SCAMP2: variants seen among roughly 807,000 people sequenced by gnomAD.
The protein encoded by SCAMP2 is secretory carrier-associated membrane protein 2.
In SCAMP2, 25 loss-of-function variants were observed where a neutral mutation model predicts 44.1. That is an observed-to-expected ratio of 0.57 (90% CI 0.41 to 0.79). The LOEUF is 0.79. SCAMP2 is among the 30% of genes least tolerant of loss of function. The pLI, the probability that SCAMP2 is intolerant of heterozygous loss-of-function variation, is 0.00. For synonymous variants in SCAMP2, 156 were observed against 166.0 expected (o/e 0.94, Z 0.46); for missense variants, 355 against 411.0 (o/e 0.86, Z 1.18).
At chr15:74,867,510 A>G (rs1032121095) in intron 1 of SCAMP2, among the ~76,000 whole-genome samples, 10 of 152,216 alleles carry the variant, frequency 6.6e-5, no homozygotes, top group African/African-American at 2.4e-4. Context: ...GAACCCTGCC[A>G]TTTTCAAATT....
Position 74,873,329 on chromosome 15 carries a change from G to C in SCAMP2, c.-74C>G, listed in dbSNP as rs1239174209. ...GCACCCAGACCCAGCGGCGCTTCGT[G>C]TAGACCCTCCACTTCCGGGAGCGAG... On this transcript the variant is annotated 5_prime_UTR_variant, in exon 1 of 9. Transcript: ENST00000268099. 7.5e-7 allele frequency: 1 copy of C among 1,325,900 alleles called. No individual in the cohort carries two copies. The highest frequency in any genetic ancestry group is 9.9e-7 in the Non-Finnish European group (1 of 1,006,212). The allele number at this position is 1,325,900 out of a possible 1,614,324, so 82.1% of individuals were successfully genotyped here.
At chr15:74,847,694 G>A (rs1253147686) in intron 7 of SCAMP2, among the ~76,000 whole-genome samples, 1 of 152,210 alleles carries the variant, frequency 6.6e-6, no homozygotes, top group Non-Finnish European at 1.5e-5. Flanking sequence ...GTGCCAGTCT[G>A]ACCTTTCTGC....
chr15:74,850,715 T>C, intron 5 of SCAMP2, 42 bp from the exon 6 acceptor site: 2 of 1,605,188 alleles, frequency 1.2e-6, no homozygotes, highest in South Asian at 1.1e-5. Flanking sequence ...TGTGCCACAG[T>C]GGCTGAGGGG....
intron 2 of SCAMP2, 74 bp from the exon 3 acceptor site, chr15:74,854,193 A>G (rs970405372): frequency 4.6e-6 from 6 of 1,312,154 alleles, no homozygotes; most frequent in African/African-American, 1.4e-5. Flanking sequence ...AACCCACAGC[A>G]GGATGAGTGA....
At chr15:74,854,534 C>T in intron 2 of SCAMP2, 47 bp downstream of exon 2, 1 of 1,505,320 alleles carries the variant, frequency 6.6e-7, no homozygotes, top group South Asian at 1.2e-5. Context: ...CACCCCAGCA[C>T]CACCCTAGAG....
chr15:74,862,159 A>G (rs1393638782), intron 1 of SCAMP2, among the ~76,000 whole-genome samples: 1 of 147,940 alleles, frequency 6.8e-6, no homozygotes. Context: ...GCTACTTTGG[A>G]GGCTGAGGCA....
Position 74,864,642 on chromosome 15 carries a change from G to A in SCAMP2, c.57+8557C>T, listed in dbSNP as rs925883131. ...GGACACAACTGTCAACATGGGTGAA[G>A]TGAGGACCAAATTGAGGGACAGCAG... On this transcript the variant is annotated intron_variant, in intron 1 of 8. Coordinates refer to ENST00000268099, the MANE Select transcript of SCAMP2 (RefSeq NM_005697.5). Among the ~76,000 whole-genome samples the A allele has an allele frequency of 3.3e-5, 5 of 152,318 alleles. No homozygotes were observed. The South Asian group carries it at 1.0e-3, about 32-fold the overall frequency.
intron 1 of SCAMP2, among the ~76,000 whole-genome samples, chr15:74,862,386 G>A (rs145261086): frequency 2.0e-5 from 3 of 151,186 alleles, no homozygotes; most frequent in South Asian, 4.2e-4. Flanking sequence ...AGACCACCCT[G>A]GCCAACATGG....
intron 7 of SCAMP2, among the ~76,000 whole-genome samples, chr15:74,847,649 T>C (rs1393078389): frequency 6.6e-6 from 1 of 152,168 alleles, no homozygotes; most frequent in Non-Finnish European, 1.5e-5. Flanking sequence ...GGGACCAAAA[T>C]AGCACCGCCC....
At chr15:74,848,815 A>G in intron 6 of SCAMP2, 114 bp from the exon 7 acceptor site, 1 of 701,920 alleles carries the variant, frequency 1.4e-6, no homozygotes, top group African/African-American at 1.8e-5. Context: ...TGGGCAAGAG[A>G]CAGAGCTCCA....
intron 6 of SCAMP2, 84 bp from the exon 7 acceptor site, chr15:74,848,785 C>T (rs2064415663): frequency 1.0e-6 from 1 of 987,572 alleles, no homozygotes; most frequent in African/African-American, 1.6e-5. Flanking sequence ...TCCCTCCTCA[C>T]TAGGAGCCAG....
intron 1 of SCAMP2, among the ~76,000 whole-genome samples, chr15:74,862,438 C>T (rs6495124): frequency 0.68 from 102,381 of 151,354 alleles, 34,808 homozygotes; most frequent in East Asian, 0.89. Context: ...TAGCAGGGCA[C>T]GGTGGTGCAT....
chr15:74,861,649 A>G (rs1257797871), intron 1 of SCAMP2, among the ~76,000 whole-genome samples: 3 of 152,206 alleles, frequency 2.0e-5, no homozygotes, highest in Admixed American at 2.0e-4. Context: ...CTATAATCGC[A>G]GCACTTTGGG....
rs1285920551 is a variant in SCAMP2 at position 74,844,052 on chromosome 15, G to GAGAGAT, written c.*1025_*1030dup. On this transcript the variant is annotated 3_prime_UTR_variant, in exon 9 of 9. Coordinates refer to ENST00000268099, the MANE Select transcript of SCAMP2 (RefSeq NM_005697.5). ...TCCACTGGGTATTAGGGGGCCCTCC[G>GAGAGAT]AGAGATGGCTTATCAGTCCCTGCTG... 2.6e-5 allele frequency: 4 copies of GAGAGAT among 152,374 alleles called. No homozygotes were observed. The highest frequency in any genetic ancestry group is 2.6e-4 in the Admixed American group (4 of 15,296). The allele number at this position is 152,374 out of a possible 1,614,324, so 9.4% of individuals were successfully genotyped here. A position where few individuals can be genotyped will look rare whatever the true frequency, so the allele number is the denominator to read the frequency against.
intron 2 of SCAMP2, 73 bp downstream of exon 2, chr15:74,854,508 G>T: frequency 7.8e-7 from 1 of 1,277,904 alleles, no homozygotes; most frequent in Non-Finnish European, 1.1e-6. Context: ...TCCTTGCCAA[G>T]GATCCCTGCC....
Position 74,845,499 on chromosome 15 carries a change from C to T in SCAMP2, c.829G>A (p.Val277Met), listed in dbSNP as rs1190295854. The T allele has an allele frequency of 5.0e-6, 8 of 1,614,120 alleles. No homozygotes were observed. Among genetic ancestry groups the T allele is most frequent in the South Asian group, 3.3e-5 (3 of 91,084 alleles). Residue 277 changes from valine (V) to methionine (M), a missense_variant, in exon 8 of 9, where the codon GTG (valine) becomes ATG (methionine). Physicochemically the swap from Val to Met is conservative, Grantham distance 21. Transcript: ENST00000268099. ...VVAGFFTLCA[V>M]LSVFLLQRVH... ...CGCTGCAGGAGGAAGACTGAGAGCA[C>T]GGCACAGAGGGTGAAGAAGCCAGCC...
intron 1 of SCAMP2, 100 bp from the exon 2 acceptor site, chr15:74,854,749 C>T: frequency 9.4e-7 from 1 of 1,067,064 alleles, no homozygotes; most frequent in Non-Finnish European, 1.4e-6. Flanking sequence ...GGCAGCTGAT[C>T]ACCCTCCCGG....
chr15:74,868,493 T>C (rs2064556640), intron 1 of SCAMP2, among the ~76,000 whole-genome samples: 1 of 152,230 alleles, frequency 6.6e-6, no homozygotes, highest in Non-Finnish European at 1.5e-5. Context: ...TGTCTTTTTG[T>C]AGGATTTCTC....
At position 74,844,086 on chromosome 15, in the gene SCAMP2, G is replaced by A. The variant is rs1320101952; in HGVS notation, c.*997C>T. Reference sequence around the variant, plus strand: ...CTTATCAGTCCCTGCTGAGGGATGCGGTTCTGGACTGGCTGGCCCTGCCCT... The same window carrying A: ...CTTATCAGTCCCTGCTGAGGGATGCAGTTCTGGACTGGCTGGCCCTGCCCT... On this transcript the variant is annotated 3_prime_UTR_variant, in exon 9 of 9. Transcript: ENST00000268099. The A allele has an allele frequency of 6.6e-6, 1 of 152,070 alleles. No individual in the cohort carries two copies. The highest frequency in any genetic ancestry group is 2.4e-5 in the African/African-American group (1 of 41,336). 9.4% of individuals were successfully genotyped at this position (152,070 alleles called of 1,614,324 possible).
Sources: gnomAD v4.1 joint callset for allele counts (sites outside exome capture counted in the v4.1 genomes callset) on GRCh38, gnomAD v4.1.1 for gene constraint, MANE v1.5 for transcripts, NCBI Gene and HGNC (gene_info 2026-07-23, HGNC 2026-07-21) for gene names.